The following BTRC variants were observed in gnomAD, a reference collection of about 807,000 sequenced individuals.
BTRC encodes F-box/WD repeat-containing protein 1A.
In BTRC, 42 loss-of-function variants were observed where a neutral mutation model predicts 85.5. That is an observed-to-expected ratio of 0.49 (90% CI 0.38 to 0.64). The LOEUF (loss-of-function observed/expected upper bound fraction) is 0.64, where lower values mean the gene tolerates loss of function less well. Among genes scored for constraint, BTRC ranks in the 30% least tolerant of loss-of-function variants. The pLI, the probability that BTRC is intolerant of heterozygous loss-of-function variation, is 0.00. For synonymous variants in BTRC, 255 were observed against 263.3 expected, an observed-to-expected ratio of 0.97 and a Z score of 0.30; for missense variants, 594 against 743.5, an observed-to-expected ratio of 0.80 and a Z score of 2.34.
At chr10:101,357,925 G>A (rs1942089709) in intron 1 of BTRC, among the ~76,000 whole-genome samples, 1 of 152,150 alleles carries the variant, frequency 6.6e-6, no homozygotes, top group East Asian at 1.9e-4. Flanking sequence ...AGCTTTAGCA[G>A]GTCCTCAAGG....
At chr10:101,452,969 A>G (rs1419089352) in intron 2 of BTRC, among the ~76,000 whole-genome samples, 2 of 152,190 alleles carry the variant, frequency 1.3e-5, no homozygotes, top group Admixed American at 1.3e-4. Flanking sequence ...ATTGTATCCT[A>G]AAAGGATTAA....
intron 1 of BTRC, among the ~76,000 whole-genome samples, chr10:101,419,118 C>T (rs1944029154): frequency 6.6e-6 from 1 of 151,720 alleles, no homozygotes; most frequent in African/African-American, 2.4e-5. Flanking sequence ...TCTGGCAATT[C>T]TCCTGCCTCA....
chr10:101,551,067 A>G (rs1311709624), intron 14 of BTRC, 176 bp downstream of exon 14: 1 of 518,394 alleles, frequency 1.9e-6, no homozygotes. Context: ...AGTGCCTTTC[A>G]CCAAGGTAGC....
At chr10:101,397,727 C>G (rs1186382162) in intron 1 of BTRC, among the ~76,000 whole-genome samples, 1 of 151,842 alleles carries the variant, frequency 6.6e-6, no homozygotes. Context: ...TTTTTCATAC[C>G]CTGTTACTGT....
intron 4 of BTRC, among the ~76,000 whole-genome samples, chr10:101,507,747 G>A (rs931401424): frequency 7.9e-5 from 12 of 152,202 alleles, no homozygotes; most frequent in African/African-American, 2.4e-4. Flanking sequence ...AACCATTAAC[G>A]ATAACAAGTT....
chr10:101,526,285 A>AAGTGGTCTCATTGG, intron 6 of BTRC, 86 bp downstream of exon 6: 4 of 1,174,360 alleles, frequency 3.4e-6, no homozygotes, highest in Non-Finnish European at 4.8e-6. Context: ...AGCCAATGAG[A>AAGTGGTCTCATTGG]CCACTTCTCA....
chr10:101,414,645 T>G, intron 1 of BTRC: 1 of 517,978 alleles, frequency 1.9e-6, no homozygotes, highest in Non-Finnish European at 3.9e-6. Flanking sequence ...AGATGTTAAT[T>G]GCTCCCAAAG....
intron 14 of BTRC, among the ~76,000 whole-genome samples, chr10:101,551,872 C>A (rs1335963677): frequency 6.6e-6 from 1 of 152,136 alleles, no homozygotes; most frequent in Non-Finnish European, 1.5e-5. Context: ...ACGTGAGGGG[C>A]AGCACTCACC....
At chr10:101,455,783 G>C (rs1358458038) in intron 2 of BTRC, among the ~76,000 whole-genome samples, 1 of 152,060 alleles carries the variant, frequency 6.6e-6, no homozygotes, top group Non-Finnish European at 1.5e-5. Flanking sequence ...AGAAGTTTGG[G>C]TTTATCCTGT....
rs71016314 is a variant in BTRC, at chr10:101,381,962, C to CTTT, written c.48+27770_48+27772dup. ...GAACCCCTAGTTATCCTAAGAATGT[C>CTTT]TTTTTTTTTTTTTTTTTTTTTTTTT... On this transcript the variant is annotated intron_variant, in intron 1 of 14. Coordinates refer to ENST00000370187, the MANE Select transcript of BTRC (RefSeq NM_033637.4). Among the ~76,000 whole-genome samples, 22 of 49,156 alleles carry CTTT rather than the reference C, an allele frequency of 4.5e-4. 5 individuals carry two copies. The highest frequency in any genetic ancestry group is 1.7e-3 in the African/African-American group (15 of 8,978). 32.2% of individuals were successfully genotyped at this position (49,156 alleles called of 152,430 possible). A position where few individuals can be genotyped will look rare whatever the true frequency, so the allele number is the denominator to read the frequency against.
intron 2 of BTRC, among the ~76,000 whole-genome samples, chr10:101,454,855 T>C (rs1241132096): frequency 6.6e-6 from 1 of 152,170 alleles, no homozygotes; most frequent in Admixed American, 6.5e-5. Context: ...AGAAACTTGC[T>C]TAACTGGGGC....
At chr10:101,365,103 C>T (rs1226409916) in intron 1 of BTRC, 4 of 149,482 alleles carry the variant, frequency 2.7e-5, no homozygotes, top group African/African-American at 4.9e-5. Flanking sequence ...GATGGAGTTT[C>T]GCTCTTGGTG....
chr10:101,521,188 C>T (rs536363456), intron 4 of BTRC, among the ~76,000 whole-genome samples: 35 of 151,632 alleles, frequency 2.3e-4, no homozygotes, highest in African/African-American at 8.0e-4. Flanking sequence ...GTGGGAGGAT[C>T]GCTTGAGCCC....
At chr10:101,415,339 C>T (rs1198527032) in intron 1 of BTRC, among the ~76,000 whole-genome samples, 1 of 151,600 alleles carries the variant, frequency 6.6e-6, no homozygotes, top group East Asian at 1.9e-4. Flanking sequence ...CCATGCCTGG[C>T]TAATTTAAGT....
chr10:101,526,995 T>G (rs2062202084), intron 6 of BTRC, among the ~76,000 whole-genome samples: 1 of 152,220 alleles, frequency 6.6e-6, no homozygotes, highest in Admixed American at 6.5e-5. Context: ...TTCTGAAAGA[T>G]ATCTTTCTTT....
intron 13 of BTRC, among the ~76,000 whole-genome samples, chr10:101,539,880 C>T (rs1207515356): frequency 2.6e-5 from 4 of 152,198 alleles, no homozygotes; most frequent in African/African-American, 9.6e-5. Flanking sequence ...TGGTTTAATT[C>T]GTGTATCTCT....
At chr10:101,522,352 TA>T (rs34282047) in intron 5 of BTRC, among the ~76,000 whole-genome samples, 18,954 of 42,006 alleles carry the variant, frequency 0.45, 3,823 homozygotes, top group East Asian at 0.69. Context: ...TATAAAGCTT[TA>T]AAAAAAAAAA....
chr10:101,550,616 C>T, intron 13 of BTRC, 83 bp from the exon 14 acceptor site: 2 of 1,431,054 alleles, frequency 1.4e-6, no homozygotes, highest in East Asian at 4.6e-5. Context: ...TTTCCGTAGA[C>T]TCCTTTTGAC....
chr10:101,543,241 T>C (rs964375702), intron 13 of BTRC, among the ~76,000 whole-genome samples: 3 of 152,250 alleles, frequency 2.0e-5, no homozygotes, highest in African/African-American at 7.2e-5. Context: ...GTCTTAGTGA[T>C]TAACTGACTT....
Sources: allele counts gnomAD v4.1 joint callset (sites outside exome capture counted in the v4.1 genomes callset), GRCh38; gene constraint gnomAD v4.1.1; transcripts MANE v1.5; gene names NCBI Gene and HGNC (gene_info 2026-07-23, HGNC 2026-07-21).